Variants in FRMD4B observed in about 807,000 individuals in gnomAD.
FRMD4B encodes the protein FERM domain-containing protein 4B.
A neutral mutation model predicts 141.5 loss-of-function variants in FRMD4B; 74 were observed. The ratio of observed to expected loss-of-function variants is 0.52; its 90% confidence interval spans 0.43 to 0.63. FRMD4B has a LOEUF of 0.63. Ranked by LOEUF, FRMD4B falls within the 30% of genes least tolerant of loss-of-function variation. The pLI, the probability that FRMD4B is intolerant of heterozygous loss-of-function variation, is 0.00. For missense variants in FRMD4B, 1,366 were observed against 1,253.4 expected, an observed-to-expected ratio of 1.09 and a Z score of -1.36; for synonymous variants, 506 against 467.9, an observed-to-expected ratio of 1.08 and a Z score of -1.05.
chr3:69,220,588 ATGTCTATAATCC>A (rs2093184402), intron 9 of FRMD4B, among the ~76,000 whole-genome samples: 1 of 152,188 alleles, frequency 6.6e-6, no homozygotes, highest in Non-Finnish European at 1.5e-5. Flanking sequence ...ACAGTGGCCC[ATGTCTATAATCC>A]CAGCATTTTG....
intron 7 of FRMD4B, among the ~76,000 whole-genome samples, chr3:69,227,143 A>G (rs2093262514): frequency 6.6e-6 from 1 of 152,204 alleles, no homozygotes; most frequent in Admixed American, 6.5e-5. Flanking sequence ...ACTATACACA[A>G]TCAGAATCTA....
chr3:69,502,302 C>G (rs1028960902), intron 1 of FRMD4B, among the ~76,000 whole-genome samples: 2 of 152,140 alleles, frequency 1.3e-5, no homozygotes, highest in African/African-American at 4.8e-5. Flanking sequence ...CTACAGTAAC[C>G]AAAACAGCAT....
chr3:69,221,880 T>C lies in FRMD4B; in HGVS notation c.709A>G (p.Thr237Ala). Residue 237 changes from threonine to alanine, a missense_variant, in exon 9 of 23, where the codon ACT (threonine) becomes GCT (alanine). Physicochemically the swap from Thr to Ala is moderately conservative, Grantham distance 58. Coordinates refer to ENST00000398540, the MANE Select transcript of FRMD4B (RefSeq NM_015123.3). ...IEHYLKIKGL[T>A]RGQAVVQYMK... is the part of the protein sequence containing the mutation. Reference sequence around the variant, plus strand: ...TACTGAACCACAGCTTGACCTCGAGTGAGACCTTTGATTTTCAAATAATGC... The same window carrying C: ...TACTGAACCACAGCTTGACCTCGAGCGAGACCTTTGATTTTCAAATAATGC... 1 of 1,570,706 alleles carries C rather than the reference T, an allele frequency of 6.4e-7. No individual in the cohort carries two copies. Among genetic ancestry groups the C allele is most frequent in the African/African-American group, 1.3e-5 (1 of 74,336 alleles).
At chr3:69,238,521 C>T (rs758518170) in intron 7 of FRMD4B, among the ~76,000 whole-genome samples, 5 of 152,200 alleles carry the variant, frequency 3.3e-5, no homozygotes, top group Admixed American at 1.3e-4. Flanking sequence ...TGGTAGCTCA[C>T]GCCTGTAATC....
chr3:69,319,677 T>C (rs1375641973), intron 1 of FRMD4B, among the ~76,000 whole-genome samples: 2 of 152,170 alleles, frequency 1.3e-5, no homozygotes, highest in Non-Finnish European at 1.5e-5. Flanking sequence ...CTTTACATAA[T>C]CAATTCTCAT....
intron 5 of FRMD4B, among the ~76,000 whole-genome samples, chr3:69,250,551 A>G (rs1221726517): frequency 1.3e-5 from 2 of 152,120 alleles, no homozygotes; most frequent in African/African-American, 4.8e-5. Flanking sequence ...CACACAATGT[A>G]AATATTATTA....
intron 1 of FRMD4B, chr3:69,536,194 G>A (rs564447439): frequency 2.0e-4 from 118 of 576,230 alleles, no homozygotes; most frequent in African/African-American, 1.6e-3. Flanking sequence ...CCTTGCCCGC[G>A]TTAGGAGGAT....
At chr3:69,299,057 G>C (rs533571722) in intron 4 of FRMD4B, among the ~76,000 whole-genome samples, 2 of 152,076 alleles carry the variant, frequency 1.3e-5, no homozygotes, top group Non-Finnish European at 2.9e-5. Flanking sequence ...ATTTGTTTAT[G>C]TGTATGCTGA....
intron 11 of FRMD4B, among the ~76,000 whole-genome samples, chr3:69,213,100 T>C (rs2093102587): frequency 6.6e-6 from 1 of 152,126 alleles, no homozygotes; most frequent in African/African-American, 2.4e-5. Flanking sequence ...TAGGCAGCTT[T>C]AAAAAAGTGA....
At position 69,264,807 on chromosome 3, in the gene FRMD4B, G is replaced by T. The variant is rs547864401; in HGVS notation, c.502-14708C>A. Among the ~76,000 whole-genome samples the T allele has an allele frequency of 2.9e-4, 44 of 152,294 alleles. 1 individual carries two copies. The South Asian group carries it at 8.9e-3, about 31-fold the overall frequency. On this transcript the variant is annotated intron_variant, in intron 5 of 22. Transcript: ENST00000398540. ...AACAAATACAGGTATTTTTGTGGGT[G>T]TGTATCACAGTTTCAAAGACATGAG...
At chr3:69,443,777 C>T (rs1238812058) in intron 1 of FRMD4B, among the ~76,000 whole-genome samples, 1 of 152,202 alleles carries the variant, frequency 6.6e-6, no homozygotes, top group African/African-American at 2.4e-5. Context: ...ATGATAATAG[C>T]CCTTCTGCAA....
chr3:69,520,119 G>A (rs184487557), intron 1 of FRMD4B, among the ~76,000 whole-genome samples: 1 of 113,380 alleles, frequency 8.8e-6, no homozygotes, highest in Admixed American at 1.0e-4. Flanking sequence ...ATATATATAT[G>A]ATGGAATATA....
intron 2 of FRMD4B, among the ~76,000 whole-genome samples, chr3:69,417,801 C>G (rs2106798737): frequency 6.6e-6 from 1 of 152,278 alleles, no homozygotes; most frequent in South Asian, 2.1e-4. Flanking sequence ...TTTCACTGGG[C>G]TGAAATCAAG....
chr3:69,200,482 C>G (rs571958419), intron 11 of FRMD4B: 11 of 991,832 alleles, frequency 1.1e-5, no homozygotes, highest in Non-Finnish European at 1.3e-5. Context: ...GCCCTCCCCC[C>G]TCCCAGACGG....
intron 5 of FRMD4B, among the ~76,000 whole-genome samples, chr3:69,284,443 A>G (rs1426469887): frequency 2.6e-5 from 4 of 152,186 alleles, no homozygotes; most frequent in Admixed American, 6.5e-5. Context: ...TGGGGCATTG[A>G]ATAGAGTACT....
chr3:69,289,291 A>T (rs961287009), intron 4 of FRMD4B, among the ~76,000 whole-genome samples: 10 of 152,214 alleles, frequency 6.6e-5, no homozygotes, highest in Non-Finnish European at 1.2e-4. Context: ...CTTATCTCTG[A>T]GGAAAGAACA....
chr3:69,364,729 T>C (rs1703586985), intron 1 of FRMD4B, among the ~76,000 whole-genome samples: 1 of 152,156 alleles, frequency 6.6e-6, no homozygotes, highest in South Asian at 2.1e-4. Context: ...ACAATTCGAC[T>C]CTGGTTAAAT....
intron 4 of FRMD4B, among the ~76,000 whole-genome samples, chr3:69,291,516 T>A (rs1219327869): frequency 6.6e-6 from 1 of 152,224 alleles, no homozygotes; most frequent in Non-Finnish European, 1.5e-5. Context: ...TGAGTGATGC[T>A]GACCAGATGG....
intron 3 of FRMD4B, among the ~76,000 whole-genome samples, chr3:69,308,362 T>C (rs528972704): frequency 1.3e-5 from 2 of 152,020 alleles, no homozygotes; most frequent in South Asian, 2.1e-4. Flanking sequence ...GATTCTCTGA[T>C]ACCTGCTCCT....
Sources: gnomAD v4.1 joint callset for allele counts (sites outside exome capture counted in the v4.1 genomes callset) on GRCh38, gnomAD v4.1.1 for gene constraint, MANE v1.5 for transcripts, NCBI Gene and HGNC (gene_info 2026-07-23, HGNC 2026-07-21) for gene names.